TEP1: variants seen among roughly 807,000 people sequenced by gnomAD.
The protein encoded by TEP1 is telomerase associated protein 1, also known as telomerase protein component 1.
In TEP1, 241 loss-of-function variants were observed where a neutral mutation model predicts 306.3. The ratio of observed to expected loss-of-function variants is 0.79; its 90% CI spans 0.71 to 0.88. The LOEUF (loss-of-function observed/expected upper bound fraction) is 0.88, where lower values mean the gene tolerates loss of function less well. TEP1 is among the 40% of genes least tolerant of loss of function. The probability of loss-of-function intolerance (pLI) is 0.00; values close to 1 mark genes in which losing one functional copy is unlikely to be tolerated. For synonymous variants in TEP1, 1,289 were observed against 1,305.5 expected, an observed-to-expected ratio of 0.99 and a Z score of 0.27; for missense variants, 3,051 against 3,276.1, an observed-to-expected ratio of 0.93 and a Z score of 1.68.
chr14:20,408,524 G>A (rs912504992), intron 1 of TEP1, 61 bp from the exon 2 acceptor site: 9 of 1,314,222 alleles, frequency 6.8e-6, no homozygotes, highest in South Asian at 4.2e-5. Context: ...ATTTGCATGA[G>A]AGCATATCTT....
rs765363330 is a variant in TEP1 at position 20,373,091 on chromosome 14, C to A, written c.6871G>T (p.Asp2291Tyr). ...AAVTAVAWAP[D>Y]GSMAVSGNQA... ...TTTCCAGATACTGCCATGGAACCAT[C>A]TGGTGCCCAAGCCACAGCAGTGACG... is the stretch of plus-strand genomic sequence containing the variant. The change falls in exon 48 of 55, where the codon GAT becomes TAT. Residue 2291 changes from aspartate (D) to tyrosine (Y), a missense_variant. Around this residue, in one of 3 missense-constraint regions of TEP1, gnomAD observed 1,540 missense variants for 1,705.9 expected, o/e 0.90. Coordinates refer to ENST00000262715, the MANE Select transcript of TEP1 (RefSeq NM_007110.5). The A allele has an allele frequency of 2.8e-5, 45 of 1,614,082 alleles. No homozygotes were observed. The highest frequency in any genetic ancestry group is 3.6e-5 in the Non-Finnish European group (43 of 1,180,038).
intron 1 of TEP1, 101 bp from the exon 2 acceptor site, chr14:20,408,564 T>C (rs1428142223): frequency 8.7e-6 from 8 of 922,008 alleles, no homozygotes; most frequent in South Asian, 5.2e-5. Context: ...ATGCCAATGA[T>C]TTGTGGGTAG....
Position 20,371,515 on chromosome 14 carries a change from C to T in TEP1, c.7194G>A (p.Lys2398=). 3.1e-6 allele frequency: 5 copies of T among 1,608,912 alleles called. No homozygotes were observed. Among genetic ancestry groups the T allele is most frequent in the South Asian group, 1.1e-5 (1 of 89,874 alleles). Residue 2398 remains lysine (K), a synonymous_variant, in exon 50 of 55, where the codon AAG becomes AAA. Coordinates refer to ENST00000262715, the MANE Select transcript of TEP1 (RefSeq NM_007110.5). ...AGATTTCAGATGGAGCATCCCCTGG[C>T]TTCATGCAAAGTAACTTCAAATCTG... ...AKADLKLLCM[K]PGDAPSEIWS...
Position 20,373,526 on chromosome 14 carries a change from C to A in TEP1, c.6662G>T (p.Arg2221Leu), listed in dbSNP as rs146330073. 6.2e-7 allele frequency: 1 copy of A among 1,614,234 alleles called. No homozygotes were observed. Among genetic ancestry groups the A allele is most frequent in the Non-Finnish European group, 8.5e-7 (1 of 1,180,042 alleles). The change falls in exon 46 of 55, where the codon CGG becomes CTG. Residue 2221 changes from arginine to leucine, a missense_variant. Transcript: ENST00000262715. The part of the protein sequence containing the change: ...VVTVGLDGAT[R>L]LWHPLLVCQT... ...ACTCACCAAGAGTGGATGCCATAAC[C>A]GTGTGGCCCCATCTAGCCCGACGGT... is the stretch of plus-strand genomic sequence containing the variant.
chr14:20,369,610 T>C (rs1884700971), intron 52 of TEP1, 34 bp from the exon 53 acceptor site: 1 of 1,613,128 alleles, frequency 6.2e-7, no homozygotes, highest in Non-Finnish European at 8.5e-7. Context: ...GAGCCAAGTC[T>C]CAGGGATCTG....
At chr14:20,393,843 T>A (rs553581851) in intron 12 of TEP1, among the ~76,000 whole-genome samples, 31 of 150,448 alleles carry the variant, frequency 2.1e-4, no homozygotes, top group African/African-American at 7.6e-4. Context: ...GCACTTTGGT[T>A]TGGGAGGCCA....
chr14:20,373,768 C>G lies in TEP1; in HGVS notation c.6514G>C (p.Val2172Leu). 1 of 1,614,046 alleles carries G rather than the reference C, an allele frequency of 6.2e-7. No homozygotes were observed. Among genetic ancestry groups the G allele is most frequent in the Non-Finnish European group, 8.5e-7 (1 of 1,180,044 alleles). Residue 2172 changes from valine (V) to leucine (L), a missense_variant, in exon 45 of 55, where the codon GTG (valine) becomes CTG (leucine). Physicochemically the swap from Val to Leu is conservative, Grantham distance 32. Around this residue, in one of 3 missense-constraint regions of TEP1, gnomAD observed 1,540 missense variants for 1,705.9 expected, o/e 0.90. Transcript: ENST00000262715. ...AGCTCCACGCCTTGATGGTCCCACA[C>G]TTTCAAGGTCCCATCCCGGCTCACA... The part of the protein sequence containing the change: ...VSVSRDGTLK[V>L]WDHQGVELTS...
chr14:20,377,893 CCT>C, intron 39 of TEP1, 129 bp downstream of exon 39: 1 of 1,447,388 alleles, frequency 6.9e-7, no homozygotes. Context: ...CAGCGGCACC[CCT>C]CTCCCCGTGG....
Position 20,408,419 on chromosome 14 carries a change from A to G in TEP1, c.21T>C (p.His7=), listed in dbSNP as rs774558504. MEKLHG[H]VSAHPDILSL... is the part of the protein sequence containing the mutation. ...AGAGGATGTCTGGATGGGCAGACAC[A>G]TGCCCATGGAGTTTTTCCATGGCTG... The change falls in exon 2 of 55, where the codon CAT becomes CAC. Residue 7 remains histidine (H), a synonymous_variant. Transcript: ENST00000262715. The G allele has an allele frequency of 1.2e-6, 2 of 1,613,558 alleles. No individual in the cohort carries two copies. The highest frequency in any genetic ancestry group is 1.7e-6 in the Non-Finnish European group (2 of 1,179,932).
intron 34 of TEP1, 85 bp from the exon 35 acceptor site, chr14:20,380,138 C>G (rs538378038): frequency 1.3e-5 from 21 of 1,580,950 alleles, no homozygotes; most frequent in Non-Finnish European, 1.8e-5. Flanking sequence ...GCCTGGATCC[C>G]TCTCCAGTGT....
Position 20,371,440 on chromosome 14 carries a change from A to G in TEP1, c.7220+49T>C, listed in dbSNP as rs777818696. On this transcript the variant is annotated intron_variant, in intron 50 of 54. Transcript: ENST00000262715. ...TCAACCTCAGGATAACCACTAACTCAGGTTTCCTTTTTCCCCAGCTCAGGA... is the reference window on the plus strand; with the variant it reads ...TCAACCTCAGGATAACCACTAACTCGGGTTTCCTTTTTCCCCAGCTCAGGA... The G allele has an allele frequency of 6.8e-6, 11 of 1,607,240 alleles. No homozygotes were observed. In the Admixed American group the frequency reaches 1.9e-4, roughly 28 times the overall value.
In TEP1 at chr14:20,405,450, C is replaced by A. The variant is rs770107747; in HGVS notation, c.870+1G>T. 1 of 1,613,964 alleles carries A rather than the reference C, an allele frequency of 6.2e-7. No individual in the cohort carries two copies. The highest frequency in any genetic ancestry group is 8.5e-7 in the Non-Finnish European group (1 of 1,179,952). On this transcript the variant is annotated splice_donor_variant, in intron 4 of 54. Transcript: ENST00000262715. LOFTEE classifies it high-confidence loss of function. Reference sequence around the variant, plus strand: ...CCATCCCCTCCTTCACACCTCAATACCTTGAGGATAAACTCAGGCTCCAGG... The same window carrying A: ...CCATCCCCTCCTTCACACCTCAATAACTTGAGGATAAACTCAGGCTCCAGG...
chr14:20,369,871 A>AT, intron 51 of TEP1, 92 bp from the exon 52 acceptor site: 2 of 961,760 alleles, frequency 2.1e-6, no homozygotes, highest in African/African-American at 2.0e-5. Flanking sequence ...GCTGGTCAGG[A>AT]ATTTTTTTTT....
chr14:20,369,326 C>A lies in TEP1; in HGVS notation c.7656+18G>T. The A allele has an allele frequency of 6.2e-7, 1 of 1,613,616 alleles. No homozygotes were observed. The highest frequency in any genetic ancestry group is 8.5e-7 in the Non-Finnish European group (1 of 1,179,604). On this transcript the variant is annotated intron_variant, in intron 53 of 54. Transcript: ENST00000262715. ...CCCAGCCCTCCCCTAGTATTTCTGACCCTTCCTTCAAACTCACCTTTCTAC... is the reference window on the plus strand; with the variant it reads ...CCCAGCCCTCCCCTAGTATTTCTGAACCTTCCTTCAAACTCACCTTTCTAC...
At chr14:20,387,434 C>T (rs1352623172) in intron 18 of TEP1, among the ~76,000 whole-genome samples, 2 of 150,832 alleles carry the variant, frequency 1.3e-5, no homozygotes, top group African/African-American at 2.4e-5. Flanking sequence ...CGCCTGTAGT[C>T]CCAGCTACTC....
chr14:20,395,439 T>C lies in TEP1; in HGVS notation c.1928+11A>G. ...TTGCCCACCCTTGGCTCCCAGACAGTGCATACATACCTGGCCTTGTGTACT... is the reference window on the plus strand; with the variant it reads ...TTGCCCACCCTTGGCTCCCAGACAGCGCATACATACCTGGCCTTGTGTACT... On this transcript the variant is annotated intron_variant, in intron 12 of 54. Coordinates refer to ENST00000262715, the MANE Select transcript of TEP1 (RefSeq NM_007110.5). 1 of 1,577,006 alleles carries C rather than the reference T, an allele frequency of 6.3e-7. No homozygotes were observed. The highest frequency in any genetic ancestry group is 1.1e-5 in the South Asian group (1 of 88,914).
At position 20,404,644 on chromosome 14, in the gene TEP1, A is replaced by G; in HGVS notation, c.999T>C (p.Pro333=). 1 of 1,614,046 alleles carries G rather than the reference A, an allele frequency of 6.2e-7. No homozygotes were observed. ...RRYFCAIVQL[P]SDWIQVAELY... is the part of the protein sequence containing the mutation. ...GCTCAGCCACCTGGATCCAGTCAGA[A>G]GGCAGCTGGACAATGGCACAGAAAT... The change falls in exon 5 of 55, where the codon CCT becomes CCC. Residue 333 remains proline (P), a synonymous_variant. Coordinates refer to ENST00000262715, the MANE Select transcript of TEP1 (RefSeq NM_007110.5).
At chr14:20,390,183 C>T (rs1320292586) in intron 15 of TEP1, among the ~76,000 whole-genome samples, 4 of 152,004 alleles carry the variant, frequency 2.6e-5, no homozygotes, top group East Asian at 1.9e-4. Flanking sequence ...GAGCTATAAG[C>T]GAGCCACTTC....
intron 35 of TEP1, among the ~76,000 whole-genome samples, chr14:20,379,596 A>G (rs1885407678): frequency 6.6e-6 from 1 of 151,960 alleles, no homozygotes; most frequent in African/African-American, 2.4e-5. Context: ...TGCACAACTC[A>G]CTCATGTCTT....
Sources: allele counts gnomAD v4.1 joint callset (sites outside exome capture counted in the v4.1 genomes callset), GRCh38; gene constraint gnomAD v4.1.1; regional missense constraint gnomAD v4.1.1; transcripts MANE v1.5; gene names NCBI Gene and HGNC (gene_info 2026-07-23, HGNC 2026-07-21).